PPEF1: variants seen among roughly 807,000 people sequenced by gnomAD.
PPEF1 encodes the protein serine/threonine-protein phosphatase with EF-hands 1.
A neutral mutation model predicts 53.3 loss-of-function variants in PPEF1; 12 were observed. The observed-to-expected ratio is 0.23, with a 90% confidence interval of 0.14 to 0.36. The LOEUF (loss-of-function observed/expected upper bound fraction) is 0.36. Among genes scored for constraint, PPEF1 ranks in the 10% least tolerant of loss-of-function variants. The pLI, the probability that PPEF1 is intolerant of heterozygous loss-of-function variation, is 1.00. For synonymous variants in PPEF1, 165 were observed against 176.7 expected (o/e 0.93, Z 0.52); for missense variants, 334 against 490.4 (o/e 0.68, Z 3.01).
chrX:18,765,394 A>T (rs1354294328), intron 6 of PPEF1, among the ~76,000 whole-genome samples: 4 of 111,712 alleles, frequency 3.6e-5, no homozygotes, highest in Non-Finnish European at 5.6e-5. Flanking sequence ...CAACACGAGG[A>T]CTATAGGTAA....
At chrX:18,778,597 A>G (rs2046015811) in intron 6 of PPEF1, among the ~76,000 whole-genome samples, 1 of 111,307 alleles carries the variant, frequency 9.0e-6, no homozygotes, top group Non-Finnish European at 1.9e-5. Flanking sequence ...CAAGGAGCTG[A>G]CCATAGGGCC....
upstream of PPEF1, among the ~76,000 whole-genome samples, chrX:18,675,357 T>C (rs1928635296): frequency 8.8e-6 from 1 of 113,583 alleles, no homozygotes; most frequent in Non-Finnish European, 1.9e-5. Context: ...ACCGGCAAAC[T>C]GAGCCTCGGC....
At chrX:18,769,511 A>G (rs1191181322) in intron 6 of PPEF1, among the ~76,000 whole-genome samples, 1 of 111,378 alleles carries the variant, frequency 9.0e-6, no homozygotes, top group Non-Finnish European at 1.9e-5. Context: ...GTGACCTCCT[A>G]TCGCTGAAAA....
chrX:18,757,818 T>A, intron 5 of PPEF1, 77 bp downstream of exon 5: 1 of 702,071 alleles, frequency 1.4e-6, no homozygotes, highest in South Asian at 2.5e-5. Flanking sequence ...ACTTGAAAAC[T>A]GTGTAAATTG....
At chrX:18,821,565 C>T (rs776524694) in intron 13 of PPEF1, among the ~76,000 whole-genome samples, 12 of 109,935 alleles carry the variant, frequency 1.1e-4, no homozygotes, top group East Asian at 2.9e-4. Flanking sequence ...TATGCCACCA[C>T]GCCCAGCTAA....
intron 3 of PPEF1, among the ~76,000 whole-genome samples, chrX:18,735,567 C>T (rs1366275163): frequency 7.2e-5 from 8 of 111,727 alleles, no homozygotes; most frequent in African/African-American, 2.6e-4. Flanking sequence ...AGCGTGATGC[C>T]TCCAGCTTTG....
intron 10 of PPEF1, among the ~76,000 whole-genome samples, chrX:18,793,443 CT>C (rs2046359670): frequency 9.0e-6 from 1 of 111,353 alleles, no homozygotes; most frequent in Non-Finnish European, 1.9e-5. Flanking sequence ...TCCTTTAAAA[CT>C]TTTTTTCTTT....
chrX:18,807,999 G>A (rs2046714481), intron 12 of PPEF1, among the ~76,000 whole-genome samples: 1 of 84,104 alleles, frequency 1.2e-5, no homozygotes, highest in Non-Finnish European at 2.3e-5. Context: ...ACGGAGTCTT[G>A]CTCTGTTGCC....
At chrX:18,716,155 A>G (rs2147314697) in intron 1 of PPEF1, among the ~76,000 whole-genome samples, 1 of 112,391 alleles carries the variant, frequency 8.9e-6, no homozygotes, top group African/African-American at 3.2e-5. Context: ...TTTATTTTAT[A>G]TGAAAAAAAC....
At chrX:18,746,880 G>A (rs1482532328) in intron 3 of PPEF1, among the ~76,000 whole-genome samples, 1 of 111,664 alleles carries the variant, frequency 9.0e-6, no homozygotes, top group Non-Finnish European at 1.9e-5. Context: ...CATTTTCCTT[G>A]TATATAAAAT....
At chrX:18,733,941 C>A (rs1602392768) in intron 3 of PPEF1, 133 bp downstream of exon 3, 4 of 477,442 alleles carry the variant, frequency 8.4e-6, no homozygotes, top group Non-Finnish European at 1.3e-5. Context: ...TATGTGACAC[C>A]CAACAACTGG....
chrX:18,805,975 C>G (rs2046652452), intron 11 of PPEF1, among the ~76,000 whole-genome samples: 1 of 109,799 alleles, frequency 9.1e-6, no homozygotes, highest in Non-Finnish European at 1.9e-5. Flanking sequence ...TTCTGGGGCC[C>G]TGAACCCTCT....
At chrX:18,771,074 A>G (rs2045862343) in intron 6 of PPEF1, among the ~76,000 whole-genome samples, 1 of 112,147 alleles carries the variant, frequency 8.9e-6, no homozygotes, top group South Asian at 3.7e-4. Flanking sequence ...TTCTGCTAGA[A>G]AGCCACATGG....
intron 10 of PPEF1, among the ~76,000 whole-genome samples, chrX:18,801,003 C>T (rs1045766286): frequency 3.6e-5 from 4 of 111,896 alleles, no homozygotes; most frequent in East Asian, 2.8e-4. Flanking sequence ...TATTACAGGT[C>T]GAATTATGTC....
intron 11 of PPEF1, among the ~76,000 whole-genome samples, chrX:18,804,399 C>A (rs1294603356): frequency 9.1e-6 from 1 of 109,721 alleles, no homozygotes; most frequent in Non-Finnish European, 1.9e-5. Flanking sequence ...CTCCGCCTCC[C>A]GGGTTCAAGT....
At chrX:18,716,855 C>A (rs1031496353) in intron 1 of PPEF1, among the ~76,000 whole-genome samples, 1 of 110,186 alleles carries the variant, frequency 9.1e-6, no homozygotes, top group Non-Finnish European at 1.9e-5. Flanking sequence ...GAACTCGGAC[C>A]GTCCTCATTT....
chrX:18,701,612 T>C (rs1930125945), intron 6 of PPEF1, among the ~76,000 whole-genome samples: 1 of 112,367 alleles, frequency 8.9e-6, no homozygotes, highest in Non-Finnish European at 1.9e-5. Flanking sequence ...TTAGGAACAA[T>C]AGTTCTTGAG....
At chrX:18,698,101 TG>T (rs1929833971) in intron 5 of PPEF1, among the ~76,000 whole-genome samples, 1 of 111,886 alleles carries the variant, frequency 8.9e-6, no homozygotes, top group Non-Finnish European at 1.9e-5. Flanking sequence ...GGATGGTGTG[TG>T]GATTAAATAA....
intron 3 of PPEF1, among the ~76,000 whole-genome samples, chrX:18,743,638 T>C (rs758692499): frequency 9.3e-6 from 1 of 107,885 alleles, no homozygotes; most frequent in South Asian, 4.1e-4. Context: ...TTAGTAGAAA[T>C]GGGTTTCGCC....
Sources: gnomAD v4.1 joint callset for allele counts (sites outside exome capture counted in the v4.1 genomes callset) on GRCh38, gnomAD v4.1.1 for gene constraint, MANE v1.5 for transcripts, NCBI Gene and HGNC (gene_info 2026-07-23, HGNC 2026-07-21) for gene names.